The following DCTN1 variants were observed in gnomAD, a reference collection of about 807,000 sequenced individuals.
The protein encoded by DCTN1 is 150 kDa dynein-associated polypeptide.
A neutral mutation model predicts 161.2 loss-of-function variants in DCTN1; 61 were observed. That is an observed-to-expected ratio of 0.38 (90% confidence interval 0.31 to 0.47). The LOEUF (loss-of-function observed/expected upper bound fraction) is 0.47. DCTN1 is among the 20% of genes least tolerant of loss of function. The pLI is 0.99. For missense variants in DCTN1, 1,404 were observed against 1,623.7 expected (o/e 0.86, Z 2.33); for synonymous variants, 653 against 632.4 (o/e 1.03, Z -0.49).
rs758298791 is a variant in DCTN1 at position 74,368,060 on chromosome 2, C to T, written c.1926G>A (p.Leu642=). 3.2e-5 allele frequency: 52 copies of T among 1,612,872 alleles called. No individual in the cohort carries two copies. The highest frequency in any genetic ancestry group is 4.2e-5 in the Non-Finnish European group (49 of 1,179,466). The part of the protein sequence containing the change: ...LSENCSERPG[L]RGAAGEQLSF... ...TGAGTTGCTCCCCAGCAGCTCCTCGCAGCCCAGGCCGCTCTGAACAGTTCT... is the reference window on the plus strand; with the variant it reads ...TGAGTTGCTCCCCAGCAGCTCCTCGTAGCCCAGGCCGCTCTGAACAGTTCT... The change falls in exon 17 of 32, where the codon CTG becomes CTA. Residue 642 remains leucine, a synonymous_variant. Coordinates refer to ENST00000628224, the MANE Select transcript of DCTN1 (RefSeq NM_004082.5).
upstream of DCTN1, among the ~76,000 whole-genome samples, chr2:74,384,104 G>C (rs1259844789): frequency 3.3e-5 from 5 of 152,216 alleles, no homozygotes; most frequent in African/African-American, 7.2e-5. Flanking sequence ...AATGGGAGGA[G>C]AAACAACATG....
At chr2:74,375,514 T>C (rs1019547483) in intron 5 of DCTN1, among the ~76,000 whole-genome samples, 3 of 152,060 alleles carry the variant, frequency 2.0e-5, no homozygotes, top group Non-Finnish European at 4.4e-5. Flanking sequence ...TTTTCACATT[T>C]CCCCAGGCAG....
intron 16 of DCTN1, chr2:74,368,507 C>T (rs1027101224): frequency 8.6e-6 from 6 of 698,932 alleles, no homozygotes; most frequent in Non-Finnish European, 1.5e-5. Flanking sequence ...ACCCTGCTCA[C>T]CTCTAAATCA....
chr2:74,389,346 C>T (rs1675888000), intron 1 of DCTN1, among the ~76,000 whole-genome samples: 1 of 152,128 alleles, frequency 6.6e-6, no homozygotes, highest in African/African-American at 2.4e-5. Context: ...GGACCGAGTT[C>T]CTATTTTCCT....
rs770123949 is a variant in DCTN1 at position 74,369,048 on chromosome 2, T to C, written c.1701+50A>G. The C allele has an allele frequency of 6.3e-7, 1 of 1,591,806 alleles. No homozygotes were observed. The highest frequency in any genetic ancestry group is 1.7e-5 in the Admixed American group (1 of 60,002). On this transcript the variant is annotated intron_variant, in intron 15 of 31. Transcript: ENST00000628224. This position sits in a 1 kb window ranked among gnomAD's most constrained non-coding sequence, Gnocchi z 4.9. ...CCAGGAATCTGAAGCCCAGACCCCATACCAGTTCATCCCAGGCAGGGCTCC... is the reference window on the plus strand; with the variant it reads ...CCAGGAATCTGAAGCCCAGACCCCACACCAGTTCATCCCAGGCAGGGCTCC...
At chr2:74,390,709 G>T in intron 1 of DCTN1, 1 of 422,860 alleles carries the variant, frequency 2.4e-6, no homozygotes. Context: ...TGGGCCAGCA[G>T]CATTAGCATC....
rs1456994462 is a variant in DCTN1, at chr2:74,362,980, T to C, written c.3529+14A>G. 5 of 1,609,660 alleles carry C rather than the reference T, an allele frequency of 3.1e-6. No individual in the cohort carries two copies. Among genetic ancestry groups the C allele is most frequent in the Non-Finnish European group, 4.2e-6 (5 of 1,177,910 alleles). ...GGGCAGTTTTATTCATCTTGGGGGT[T>C]GGCAGGTACATACCAGGGCTGGTGC... On this transcript the variant is annotated intron_variant, in intron 29 of 31. Coordinates refer to ENST00000628224, the MANE Select transcript of DCTN1 (RefSeq NM_004082.5).
Position 74,380,045 on chromosome 2 carries a change from AC to A in DCTN1, c.-9del. ...CCTCTTGCTCTGTGCCATGTTGCTC[AC>A]CCGGCCTCTACCCCCTCCCCCAGCT... On this transcript the variant is annotated 5_prime_UTR_variant, in exon 1 of 32. Transcript: ENST00000628224. 6.2e-7 allele frequency: 1 copy of A among 1,613,942 alleles called. No individual in the cohort carries two copies. Among genetic ancestry groups the A allele is most frequent in the Non-Finnish European group, 8.5e-7 (1 of 1,179,998 alleles).
chr2:74,366,410 A>G, intron 22 of DCTN1, 35 bp from the exon 23 acceptor site: 5 of 1,614,106 alleles, frequency 3.1e-6, no homozygotes, highest in East Asian at 2.2e-5. Context: ...AAAGCCCCAC[A>G]CTGGTCACTA....
Position 74,371,155 on chromosome 2 carries a change from G to A in DCTN1, c.667C>T (p.Gln223Ter). 1 of 1,613,864 alleles carries A rather than the reference G, an allele frequency of 6.2e-7. No homozygotes were observed. Among genetic ancestry groups the A allele is most frequent in the South Asian group, 1.1e-5 (1 of 91,086 alleles). ...PSKEEEGLRAQVRDLEEKLET... is the reference protein window; with the variant it reads ...PSKEEEGLRA Reference sequence around the variant, plus strand: ...AGTTTCTCCTCCAGGTCCCGCACCTGAGCCCTTAGTCCCTCCTCCTCCTGC... The same window carrying A: ...AGTTTCTCCTCCAGGTCCCGCACCTAAGCCCTTAGTCCCTCCTCCTCCTGC... Residue 223 changes from glutamine to a stop codon, truncating the protein, a stop_gained, in exon 9 of 32, where the codon CAG becomes TAG. Transcript: ENST00000628224. LOFTEE classifies it high-confidence loss of function.
chr2:74,363,275 C>A lies in DCTN1; in HGVS notation c.3345+19G>T. On this transcript the variant is annotated intron_variant, in intron 28 of 31. Transcript: ENST00000628224. ...ATATGCTCCATCTCCCATCCCAGTC[C>A]TCCCCGTGGCTCCCTCACCTTGAGG... 6.2e-7 allele frequency: 1 copy of A among 1,614,102 alleles called. No homozygotes were observed. The highest frequency in any genetic ancestry group is 8.5e-7 in the Non-Finnish European group (1 of 1,179,998).
At chr2:74,372,653 T>G (rs1234696830) in intron 7 of DCTN1, among the ~76,000 whole-genome samples, 4 of 152,246 alleles carry the variant, frequency 2.6e-5, no homozygotes, top group Non-Finnish European at 5.9e-5. Flanking sequence ...CAAAATTCCC[T>G]TGTTCAAGAA....
intron 1 of DCTN1, among the ~76,000 whole-genome samples, chr2:74,379,384 C>T (rs1374654806): frequency 1.3e-5 from 2 of 152,192 alleles, no homozygotes; most frequent in Non-Finnish European, 2.9e-5. Flanking sequence ...AGCCAGGACA[C>T]CTCCCAGCCT....
Position 74,377,420 on chromosome 2 carries a change from C to G in DCTN1, c.393+12G>C. The G allele has an allele frequency of 1.9e-6, 3 of 1,612,244 alleles. No individual in the cohort carries two copies. Among genetic ancestry groups the G allele is most frequent in the Non-Finnish European group, 2.5e-6 (3 of 1,178,244 alleles). On this transcript the variant is annotated intron_variant, in intron 4 of 31. Coordinates refer to ENST00000628224, the MANE Select transcript of DCTN1 (RefSeq NM_004082.5). The stretch of plus-strand genomic sequence containing the variant: ...CTTTATTATTCCCCATTCCCACCCC[C>G]AAATCACTCACCAGTTTGCTAGTCT...
intron 1 of DCTN1, among the ~76,000 whole-genome samples, chr2:74,388,844 GT>G (rs1675862917): frequency 6.6e-6 from 1 of 152,156 alleles, no homozygotes. Context: ...TTCCCTGAGA[GT>G]AGCTCCACTC....
At position 74,369,757 on chromosome 2, in the gene DCTN1, G is replaced by A. The variant is rs938119671; in HGVS notation, c.1392+208C>T. Among the ~76,000 whole-genome samples, 2 of 150,552 alleles carry A rather than the reference G, an allele frequency of 1.3e-5. No individual in the cohort carries two copies. Among genetic ancestry groups the A allele is most frequent in the African/African-American group, 2.5e-5 (1 of 40,730 alleles). ...GAACCTGGGAGGCGGAGGTTGCAGTGAGCCGAGATTATTGCGCCACTGCGC... is the reference window on the plus strand; with the variant it reads ...GAACCTGGGAGGCGGAGGTTGCAGTAAGCCGAGATTATTGCGCCACTGCGC... On this transcript the variant is annotated intron_variant, in intron 13 of 31. Transcript: ENST00000628224. The surrounding 1 kb of genome is among the most constrained non-coding windows in gnomAD (Gnocchi z 4.9).
chr2:74,382,490 C>T (rs1275908081), upstream of DCTN1, among the ~76,000 whole-genome samples: 3 of 150,198 alleles, frequency 2.0e-5, no homozygotes, highest in Non-Finnish European at 4.4e-5. Context: ...ATCCTAGCTA[C>T]TTGAGAGACT....
chr2:74,374,307 G>A lies in DCTN1; in HGVS notation c.432+16C>T. 1 of 1,612,366 alleles carries A rather than the reference G, an allele frequency of 6.2e-7. No homozygotes were observed. Among genetic ancestry groups the A allele is most frequent in the South Asian group, 1.1e-5 (1 of 90,976 alleles). ...CCCTGGCAACCCAGCAGCAGGACGA[G>A]AGCAAGCAAGAGTACCTTTCGGGCT... is the stretch of plus-strand genomic sequence containing the variant. On this transcript the variant is annotated intron_variant, in intron 6 of 31. Transcript: ENST00000628224.
chr2:74,376,086 G>A (rs920648323), intron 5 of DCTN1, among the ~76,000 whole-genome samples: 1 of 152,204 alleles, frequency 6.6e-6, no homozygotes, highest in African/African-American at 2.4e-5. Flanking sequence ...TCTATGGTGG[G>A]AAGGGGAGGG....
Sources: allele counts gnomAD v4.1 joint callset (sites outside exome capture counted in the v4.1 genomes callset), GRCh38; gene constraint gnomAD v4.1.1; non-coding constraint Gnocchi (gnomAD v3.1); transcripts MANE v1.5; gene names NCBI Gene and HGNC (gene_info 2026-07-23, HGNC 2026-07-21).